The following CUX1 variants were observed in gnomAD, a reference collection of about 807,000 sequenced individuals.
CUX1 encodes cut like homeobox 1.
A neutral mutation model predicts 158.8 loss-of-function variants in CUX1; 31 were observed. The ratio of observed to expected loss-of-function variants is 0.20; its 90% CI spans 0.15 to 0.26. CUX1 has a LOEUF of 0.26. CUX1 is among the 10% of genes least tolerant of loss of function. The probability of loss-of-function intolerance (pLI) is 1.00; values close to 1 mark genes in which losing one functional copy is unlikely to be tolerated. For missense variants in CUX1, 1,589 were observed against 2,014.6 expected (o/e 0.79, Z 4.04); for synonymous variants, 879 against 862.1 (o/e 1.02, Z -0.34).
intron 3 of CUX1, among the ~76,000 whole-genome samples, chr7:102,044,257 T>C (rs966590817): frequency 5.9e-5 from 9 of 152,136 alleles, no homozygotes; most frequent in Non-Finnish European, 1.3e-4. Context: ...TGGTGCCATC[T>C]TGGCTCACTG....
At chr7:101,835,802 C>T (rs972012901) in intron 1 of CUX1, among the ~76,000 whole-genome samples, 16 of 152,206 alleles carry the variant, frequency 1.1e-4, no homozygotes, top group African/African-American at 3.6e-4. Context: ...ATGGCGCGAT[C>T]TTGGCTCACT....
At chr7:102,263,197 A>G (rs1188266020), downstream of CUX1, among the ~76,000 whole-genome samples, 4 of 149,268 alleles carry the variant, frequency 2.7e-5, no homozygotes, top group African/African-American at 9.9e-5. Flanking sequence ...TATTTTTAGT[A>G]GAGACAGGGG....
intron 2 of CUX1, among the ~76,000 whole-genome samples, chr7:101,929,215 T>TA (rs1195611987): frequency 6.6e-6 from 1 of 152,120 alleles, no homozygotes; most frequent in African/African-American, 2.4e-5. Flanking sequence ...AACGAACACT[T>TA]AAAAAAATTA....
chr7:102,051,473 G>C (rs10254170), intron 3 of CUX1, among the ~76,000 whole-genome samples: 22,620 of 151,618 alleles, frequency 0.15, 3,927 homozygotes, highest in African/African-American at 0.43. Context: ...CATGTTGAAA[G>C]CCCGTCTTTA....
At position 102,205,020 on chromosome 7, in the gene CUX1, T is replaced by C. The variant is rs548183936; in HGVS notation, c.3074-94T>C. 3.2e-5 allele frequency: 28 copies of C among 864,960 alleles called. No homozygotes were observed. The African/African-American group carries it at 4.2e-4, about 13-fold the overall frequency. 53.6% of individuals were successfully genotyped at this position (864,960 alleles called of 1,614,324 possible). A position where few individuals can be genotyped will look rare whatever the true frequency, so the allele number is the denominator to read the frequency against. Reference sequence around the variant, plus strand: ...CATGCCCGCCCCTCCCCAGGAGGAATGGGAAGCCTCCCCGGGCCTTGCCAC... The same window carrying C: ...CATGCCCGCCCCTCCCCAGGAGGAACGGGAAGCCTCCCCGGGCCTTGCCAC... On this transcript the variant is annotated intron_variant, in intron 19 of 23. Coordinates refer to ENST00000292535, the MANE Select transcript of CUX1 (RefSeq NM_181552.4).
chr7:101,828,446 AG>A (rs1298268633), intron 1 of CUX1, among the ~76,000 whole-genome samples: 5 of 152,214 alleles, frequency 3.3e-5, no homozygotes, highest in African/African-American at 1.2e-4. Context: ...TTTTTGACAG[AG>A]GTCTGTTTGA....
chr7:102,017,472 C>CTGGAACA (rs1818760970), intron 2 of CUX1, among the ~76,000 whole-genome samples: 1 of 151,498 alleles, frequency 6.6e-6, no homozygotes, highest in Non-Finnish European at 1.5e-5. Flanking sequence ...ACCATTCTCG[C>CTGGAACA]TAAGCTCCCT....
intron 8 of CUX1, among the ~76,000 whole-genome samples, chr7:102,141,060 G>A (rs1585873702): frequency 6.6e-6 from 1 of 152,130 alleles, no homozygotes; most frequent in Non-Finnish European, 1.5e-5. Flanking sequence ...TGATGTCAGA[G>A]TGAAGGGAAC....
chr7:101,954,189 T>C (rs2129162998), intron 2 of CUX1, among the ~76,000 whole-genome samples: 1 of 152,218 alleles, frequency 6.6e-6, no homozygotes, highest in African/African-American at 2.4e-5. Context: ...AGCCCATCTC[T>C]ATGACAAAAT....
At chr7:101,875,673 G>A (rs763105535) in intron 1 of CUX1, among the ~76,000 whole-genome samples, 3 of 152,156 alleles carry the variant, frequency 2.0e-5, no homozygotes, top group East Asian at 1.9e-4. Flanking sequence ...CCTGAGACGC[G>A]TTGAGCCCCT....
At chr7:102,081,095 C>G (rs1827331710) in intron 4 of CUX1, among the ~76,000 whole-genome samples, 2 of 152,216 alleles carry the variant, frequency 1.3e-5, no homozygotes, top group South Asian at 2.1e-4. Context: ...ACTTCTTCAC[C>G]TATTTACACT....
At chr7:102,280,670 C>T (rs1405206557) in intron 19 of CUX1, 1 of 803,502 alleles carries the variant, frequency 1.2e-6, no homozygotes, top group Admixed American at 2.3e-5. Flanking sequence ...CCTGGCAGCA[C>T]CCTGGCAGCC....
intron 3 of CUX1, among the ~76,000 whole-genome samples, chr7:102,054,388 G>T (rs534731620): frequency 6.6e-6 from 1 of 152,244 alleles, no homozygotes; most frequent in South Asian, 2.1e-4. Context: ...ATATCTGGTC[G>T]TCCCAGCAAC....
chr7:101,992,680 A>C (rs1293222145), intron 2 of CUX1, among the ~76,000 whole-genome samples: 2 of 152,170 alleles, frequency 1.3e-5, no homozygotes, highest in African/African-American at 2.4e-5. Flanking sequence ...CAGTGAGCAG[A>C]AGTCTGGCCA....
At chr7:102,200,230 A>C in intron 17 of CUX1, 58 bp downstream of exon 17, 1 of 1,409,206 alleles carries the variant, frequency 7.1e-7, no homozygotes, top group Non-Finnish European at 9.8e-7. Flanking sequence ...AATTGTCATG[A>C]GTGCTCTGGT....
intron 2 of CUX1, among the ~76,000 whole-genome samples, chr7:101,975,608 A>G (rs1044303293): frequency 6.6e-6 from 1 of 152,144 alleles, no homozygotes; most frequent in African/African-American, 2.4e-5. Context: ...CCAGTGAGGC[A>G]TGGGAGTGTT....
At chr7:101,937,431 C>T (rs893866393) in intron 2 of CUX1, among the ~76,000 whole-genome samples, 5 of 152,118 alleles carry the variant, frequency 3.3e-5, no homozygotes, top group East Asian at 3.8e-4. Context: ...TTCACATGTC[C>T]GAGTCCCTGG....
intron 3 of CUX1, among the ~76,000 whole-genome samples, chr7:102,034,768 A>AAG (rs1821221314): frequency 6.9e-6 from 1 of 145,486 alleles, no homozygotes; most frequent in Non-Finnish European, 1.5e-5. Context: ...AAAAAAAAAA[A>AAG]TACAAAAACA....
intron 8 of CUX1, among the ~76,000 whole-genome samples, chr7:102,142,784 A>T (rs382228): frequency 1.7e-4 from 25 of 149,258 alleles, no homozygotes; most frequent in Admixed American, 6.1e-4. Flanking sequence ...TAGCCGGGAG[A>T]GGTGATGCAC....
Sources: allele counts gnomAD v4.1 joint callset (sites outside exome capture counted in the v4.1 genomes callset), GRCh38; gene constraint gnomAD v4.1.1; transcripts MANE v1.5; gene names NCBI Gene and HGNC (gene_info 2026-07-23, HGNC 2026-07-21).